SMOC2: variants seen among roughly 807,000 people sequenced by gnomAD.
SMOC2 encodes SPARC-related modular calcium-binding protein 2.
SMOC2 carries 39 observed loss-of-function variants against 61.4 expected under a neutral mutation model. The observed-to-expected ratio is 0.64, with a 90% CI of 0.49 to 0.83. SMOC2 has a LOEUF of 0.83. Ranked by LOEUF, SMOC2 falls within the 40% of genes least tolerant of loss-of-function variation. The pLI is 0.00. For synonymous variants in SMOC2, 247 were observed against 239.9 expected, an observed-to-expected ratio of 1.03 and a Z score of -0.27; for missense variants, 556 against 592.9, an observed-to-expected ratio of 0.94 and a Z score of 0.65.
chr6:168,560,494 G>A lies in SMOC2; in HGVS notation c.637+11291G>A, dbSNP rs13196959. ...TGCGTCCTCTGTGCCCACCTTTCTGGCCCTGAGATGTGAGGCTCTCACTGC... is the reference window on the plus strand; with the variant it reads ...TGCGTCCTCTGTGCCCACCTTTCTGACCCTGAGATGTGAGGCTCTCACTGC... On this transcript the variant is annotated intron_variant, in intron 7 of 12. Transcript: ENST00000356284. 1.3e-4 allele frequency among the ~76,000 whole-genome samples: 20 copies of A among 149,514 alleles called. 1 individual carries two copies. The highest frequency in any genetic ancestry group is 4.4e-4 in the African/African-American group (18 of 40,586).
chr6:168,467,993 A>G (rs1241693106), intron 1 of SMOC2, among the ~76,000 whole-genome samples: 2 of 152,252 alleles, frequency 1.3e-5, no homozygotes, highest in Non-Finnish European at 1.5e-5. Flanking sequence ...AAATCTATCT[A>G]CATTTCTCAG....
In SMOC2 at chr6:168,554,257, C is replaced by T. The variant is rs145080205; in HGVS notation, c.637+5054C>T. On this transcript the variant is annotated intron_variant, in intron 7 of 12. Coordinates refer to ENST00000356284, the MANE Select transcript of SMOC2 (RefSeq NM_001166412.2). ...GACAGGAGGACCAGATAAGCCCCATCATGTGATACTTACTCTATGCAGATT... is the reference window on the plus strand; with the variant it reads ...GACAGGAGGACCAGATAAGCCCCATTATGTGATACTTACTCTATGCAGATT... 2.0e-3 allele frequency among the ~76,000 whole-genome samples: 312 copies of T among 152,364 alleles called. 2 individuals are homozygous for T. The highest frequency in any genetic ancestry group is 0.014 in the Middle Eastern group (4 of 294).
rs546243850 is a variant in SMOC2, at chr6:168,642,941, G to A, written c.908-7740G>A. Among the ~76,000 whole-genome samples the A allele has an allele frequency of 1.2e-4, 19 of 152,322 alleles. No homozygotes were observed. The South Asian group carries it at 3.7e-3, about 30-fold the overall frequency. On this transcript the variant is annotated intron_variant, in intron 9 of 12. Transcript: ENST00000356284. ...CTTTCTGTGGCTGTAGAACTAGATG[G>A]TGGAAGTTGAATTAAATCCCAAGAA...
chr6:168,638,992 T>C (rs1241215262), intron 9 of SMOC2, among the ~76,000 whole-genome samples: 1 of 152,170 alleles, frequency 6.6e-6, no homozygotes. Context: ...TATGCATTTA[T>C]TGTGTGTAGA....
intron 1 of SMOC2, among the ~76,000 whole-genome samples, chr6:168,461,434 CA>C (rs1400516685): frequency 1.3e-5 from 2 of 152,128 alleles, no homozygotes; most frequent in Non-Finnish European, 1.5e-5. Context: ...GAATCACTTG[CA>C]AAATTTTGTT....
rs527352742 is a variant in SMOC2 at position 168,599,281 on chromosome 6, C to A, written c.824+277C>A. Among the ~76,000 whole-genome samples the A allele has an allele frequency of 4.1e-3, 500 of 121,906 alleles. 11 individuals carry two copies. Among genetic ancestry groups the A allele is most frequent in the African/African-American group, 0.015 (466 of 31,356 alleles). The allele number at this position is 121,906 out of a possible 152,430, so 80.0% of individuals were successfully genotyped here. ...ACCCACACACACCCACGCTCTCACACACCCACACACACACATACCACACAC... is the reference window on the plus strand; with the variant it reads ...ACCCACACACACCCACGCTCTCACAAACCCACACACACACATACCACACAC... On this transcript the variant is annotated intron_variant, in intron 8 of 12. Coordinates refer to ENST00000356284, the MANE Select transcript of SMOC2 (RefSeq NM_001166412.2).
chr6:168,600,782 G>A (rs899049715), intron 8 of SMOC2, among the ~76,000 whole-genome samples: 4 of 152,234 alleles, frequency 2.6e-5, no homozygotes, highest in African/African-American at 9.6e-5. Context: ...TAGAAAAAGT[G>A]AGGCTGTGCT....
chr6:168,642,854 G>T (rs1362313744), intron 9 of SMOC2, among the ~76,000 whole-genome samples: 1 of 152,196 alleles, frequency 6.6e-6, no homozygotes, highest in Non-Finnish European at 1.5e-5. Context: ...AGTGTTACAT[G>T]TAATGACAGG....
intron 1 of SMOC2, among the ~76,000 whole-genome samples, chr6:168,457,895 G>A (rs1352485285): frequency 6.6e-6 from 1 of 152,046 alleles, no homozygotes; most frequent in Non-Finnish European, 1.5e-5. Flanking sequence ...ATTTCAAGGT[G>A]GGGGGCCCTT....
intron 1 of SMOC2, among the ~76,000 whole-genome samples, chr6:168,481,122 G>A (rs1410395478): frequency 6.6e-6 from 1 of 152,054 alleles, no homozygotes; most frequent in Non-Finnish European, 1.5e-5. Context: ...ACACTAAATA[G>A]TAACTCAAAG....
At chr6:168,651,643 C>T (rs188265325) in intron 10 of SMOC2, among the ~76,000 whole-genome samples, 60 of 152,226 alleles carry the variant, frequency 3.9e-4, no homozygotes. Flanking sequence ...TTTTGGTCTC[C>T]TGAACTAAAA....
At chr6:168,588,864 C>T (rs1206090726) in intron 7 of SMOC2, among the ~76,000 whole-genome samples, 6 of 152,040 alleles carry the variant, frequency 3.9e-5, no homozygotes, top group East Asian at 1.9e-4. Flanking sequence ...AGGTCAGGGG[C>T]GGATCACTTG....
chr6:168,480,884 T>C (rs183515280), intron 1 of SMOC2, among the ~76,000 whole-genome samples: 2 of 152,282 alleles, frequency 1.3e-5, no homozygotes, highest in East Asian at 3.9e-4. Flanking sequence ...TCAGAAACTT[T>C]GGAGGCCAGA....
chr6:168,563,874 G>C (rs552717018), intron 7 of SMOC2, among the ~76,000 whole-genome samples: 1 of 152,230 alleles, frequency 6.6e-6, no homozygotes, highest in African/African-American at 2.4e-5. Context: ...GGTGTCCGTA[G>C]AGCAAGCAGA....
At chr6:168,579,566 T>C (rs1784879470) in intron 7 of SMOC2, among the ~76,000 whole-genome samples, 1 of 152,228 alleles carries the variant, frequency 6.6e-6, no homozygotes, top group African/African-American at 2.4e-5. Flanking sequence ...AAAGTCGCAT[T>C]TCTGTAGCAC....
chr6:168,584,072 A>C (rs113523366), intron 7 of SMOC2, among the ~76,000 whole-genome samples: 1,757 of 152,330 alleles, frequency 0.012, 29 homozygotes, highest in African/African-American at 0.039. Context: ...GCCAGCAAAA[A>C]CTGGGGAGCC....
intron 4 of SMOC2, among the ~76,000 whole-genome samples, chr6:168,536,609 G>A (rs1219963163): frequency 1.3e-5 from 2 of 152,088 alleles, no homozygotes; most frequent in African/African-American, 2.4e-5. Context: ...ATAGAAAATA[G>A]GTGATATTCC....
In SMOC2 at chr6:168,664,090, T is replaced by C; in HGVS notation, c.1302T>C (p.Ala434=). ...TKKRHTPRGH[A]ESTSNRQPRK... ...TCCTGCTAGCCCCCAGAGGTCATGCTGAAAGTACGTCTAATAGACAGGTAA... is the reference window on the plus strand; with the variant it reads ...TCCTGCTAGCCCCCAGAGGTCATGCCGAAAGTACGTCTAATAGACAGGTAA... The change falls in exon 12 of 13, where the codon GCT becomes GCC. Residue 434 remains alanine, a synonymous_variant. Transcript: ENST00000356284. The C allele has an allele frequency of 6.2e-7, 1 of 1,605,478 alleles. No individual in the cohort carries two copies. The highest frequency in any genetic ancestry group is 2.2e-5 in the East Asian group (1 of 44,840).
At chr6:168,563,002 G>C (rs1357379133) in intron 7 of SMOC2, among the ~76,000 whole-genome samples, 1 of 152,232 alleles carries the variant, frequency 6.6e-6, no homozygotes, top group African/African-American at 2.4e-5. Flanking sequence ...CCCGGAACGG[G>C]GGCTGGGAGT....
Sources: allele counts gnomAD v4.1 joint callset (sites outside exome capture counted in the v4.1 genomes callset), GRCh38; gene constraint gnomAD v4.1.1; transcripts MANE v1.5; gene names NCBI Gene and HGNC (gene_info 2026-07-23, HGNC 2026-07-21).